Variants in IL1RAPL1 observed in about 807,000 individuals in gnomAD.
IL1RAPL1 encodes the protein interleukin 1 receptor accessory protein like 1.
In IL1RAPL1, 3 loss-of-function variants were observed where a neutral mutation model predicts 48.4. That is an observed-to-expected ratio of 0.06 (90% CI 0.03 to 0.16). The LOEUF is 0.16. Among genes scored for constraint, IL1RAPL1 ranks in the 10% least tolerant of loss-of-function variants. The pLI is 1.00. For synonymous variants in IL1RAPL1, 185 were observed against 187.7 expected (o/e 0.99, Z 0.12); for missense variants, 349 against 530.6 (o/e 0.66, Z 3.36).
chrX:29,443,652 A>G (rs750729119), intron 5 of IL1RAPL1, among the ~76,000 whole-genome samples: 7 of 111,783 alleles, frequency 6.3e-5, no homozygotes, highest in Non-Finnish European at 1.1e-4. Context: ...CATTGCAACC[A>G]TCTACCCCAA....
chrX:28,985,187 CTGAG>C (rs1208833261), intron 2 of IL1RAPL1, among the ~76,000 whole-genome samples: 1 of 111,619 alleles, frequency 9.0e-6, no homozygotes, highest in Admixed American at 9.5e-5. Context: ...TGAGCCTTGA[CTGAG>C]TGTTAGGCAG....
intron 2 of IL1RAPL1, among the ~76,000 whole-genome samples, chrX:29,266,742 C>A (rs1023964419): frequency 9.0e-6 from 1 of 111,561 alleles, no homozygotes; most frequent in Non-Finnish European, 1.9e-5. Context: ...CTTCTCTCTG[C>A]ATATATCTTC....
chrX:29,267,931 A>G lies in IL1RAPL1; in HGVS notation c.83-15007A>G, dbSNP rs191293975. Among the ~76,000 whole-genome samples, 64 of 111,562 alleles carry G rather than the reference A, an allele frequency of 5.7e-4. 3 individuals carry two copies. Among genetic ancestry groups the G allele is most frequent in the Admixed American group, 5.6e-3 (58 of 10,449 alleles). On this transcript the variant is annotated intron_variant, in intron 2 of 10. Transcript: ENST00000378993. ...AACAGACTTAGGAGTCAGTAGCTCA[A>G]TTTTCTACTTCTTTGCATCAAATTT...
intron 2 of IL1RAPL1, among the ~76,000 whole-genome samples, chrX:29,081,016 CTCTCTTTCTTTTCTTTTCTTT>C (rs1192051749): frequency 2.6e-4 from 14 of 54,412 alleles, no homozygotes; most frequent in African/African-American, 8.9e-4. Context: ...CTCTCTCTCT[CTCTCTTTCTTTTCTTTTCTTT>C]TCTTTTCTTT....
At chrX:28,938,091 T>C (rs1924064713) in intron 2 of IL1RAPL1, among the ~76,000 whole-genome samples, 1 of 111,192 alleles carries the variant, frequency 9.0e-6, no homozygotes, top group Admixed American at 9.6e-5. Flanking sequence ...GGCAATACTA[T>C]CCAAAGCAAT....
At chrX:29,928,013 A>C (rs1932907280) in intron 8 of IL1RAPL1, among the ~76,000 whole-genome samples, 1 of 111,823 alleles carries the variant, frequency 8.9e-6, no homozygotes, top group Admixed American at 9.5e-5. Context: ...CTCCGAGTTC[A>C]AAAGTTTAAT....
At chrX:29,062,394 G>A (rs753299145) in intron 2 of IL1RAPL1, among the ~76,000 whole-genome samples, 1 of 112,377 alleles carries the variant, frequency 8.9e-6, no homozygotes, top group South Asian at 3.7e-4. Flanking sequence ...TCATAAATCA[G>A]TTAAGGAGTA....
intron 1 of IL1RAPL1, among the ~76,000 whole-genome samples, chrX:28,678,511 T>C (rs1389710919): frequency 8.9e-6 from 1 of 111,901 alleles, no homozygotes; most frequent in Admixed American, 9.5e-5. Context: ...AGTTTTAAAA[T>C]GCATTTTGAG....
intron 8 of IL1RAPL1, among the ~76,000 whole-genome samples, chrX:29,925,286 A>G (rs1335080327): frequency 9.1e-6 from 1 of 109,922 alleles, no homozygotes; most frequent in Admixed American, 9.8e-5. Flanking sequence ...ATGCAGTGCC[A>G]AAATATTAAG....
intron 1 of IL1RAPL1, among the ~76,000 whole-genome samples, chrX:28,661,375 T>C (rs1934819121): frequency 9.3e-6 from 1 of 107,406 alleles, no homozygotes; most frequent in African/African-American, 3.4e-5. Context: ...ACATGTGCAT[T>C]GACAAGTAAA....
chrX:29,839,358 C>T (rs931943750), intron 6 of IL1RAPL1, among the ~76,000 whole-genome samples: 6 of 111,977 alleles, frequency 5.4e-5, no homozygotes, highest in Non-Finnish European at 1.1e-4. Context: ...TATTTATGCA[C>T]TCCCATTTAT....
intron 5 of IL1RAPL1, among the ~76,000 whole-genome samples, chrX:29,583,701 A>C (rs994214906): frequency 3.3e-5 from 3 of 91,163 alleles, no homozygotes; most frequent in African/African-American, 1.3e-4. Flanking sequence ...CTTTCTTCAC[A>C]GAATTGGAAA....
At chrX:29,856,829 T>G (rs1169369900) in intron 6 of IL1RAPL1, among the ~76,000 whole-genome samples, 4 of 112,105 alleles carry the variant, frequency 3.6e-5, no homozygotes, top group African/African-American at 1.3e-4. Flanking sequence ...AAGTAATATA[T>G]ATGCATAAGT....
intron 1 of IL1RAPL1, among the ~76,000 whole-genome samples, chrX:28,788,169 A>G (rs766578775): frequency 1.7e-4 from 19 of 111,762 alleles, no homozygotes; most frequent in Non-Finnish European, 3.4e-4. Flanking sequence ...AAATATAACA[A>G]CTGTATCAGT....
intron 2 of IL1RAPL1, among the ~76,000 whole-genome samples, chrX:29,255,358 G>A (rs1282565324): frequency 9.1e-6 from 1 of 109,357 alleles, no homozygotes; most frequent in African/African-American, 3.3e-5. Context: ...CTGATTCATG[G>A]TCGTTGAAGT....
At chrX:28,862,824 G>A (rs1921979075) in intron 2 of IL1RAPL1, among the ~76,000 whole-genome samples, 2 of 111,506 alleles carry the variant, frequency 1.8e-5, no homozygotes, top group Non-Finnish European at 3.8e-5. Context: ...TTCTCTCTCT[G>A]ATACTACTAA....
intron 2 of IL1RAPL1, among the ~76,000 whole-genome samples, chrX:28,889,687 T>C (rs2147318944): frequency 9.0e-6 from 1 of 111,639 alleles, no homozygotes; most frequent in South Asian, 3.7e-4. Flanking sequence ...TTTAGGGCTT[T>C]CGTATTTGGC....
intron 5 of IL1RAPL1, among the ~76,000 whole-genome samples, chrX:29,431,184 A>G (rs142901816): frequency 0.027 from 3,026 of 111,902 alleles, 124 homozygotes; most frequent in African/African-American, 0.094. Flanking sequence ...GTTTGCAGCA[A>G]TTTTGCATGT....
intron 3 of IL1RAPL1, among the ~76,000 whole-genome samples, chrX:29,373,918 G>A (rs192197558): frequency 2.4e-3 from 91 of 38,314 alleles, no homozygotes; most frequent in Non-Finnish European, 4.3e-3. Context: ...TTGTTGCTGA[G>A]GCTGGTCTCA....
Sources: allele counts gnomAD v4.1 joint callset (sites outside exome capture counted in the v4.1 genomes callset), GRCh38; gene constraint gnomAD v4.1.1; transcripts MANE v1.5; gene names NCBI Gene and HGNC (gene_info 2026-07-23, HGNC 2026-07-21).